FARS2: variants seen among roughly 807,000 people sequenced by gnomAD.
The protein encoded by FARS2 is phenylalanine--tRNA ligase, mitochondrial.
Under a neutral mutation model 46.4 loss-of-function variants are expected in FARS2, and 40 were observed. That is an observed-to-expected ratio of 0.86 (90% CI 0.67 to 1.12). The LOEUF is 1.12. Among genes scored for constraint, FARS2 ranks in the 50% most tolerant of loss-of-function variants. The pLI is 0.00. For synonymous variants in FARS2, 234 were observed against 214.9 expected (o/e 1.09, Z -0.78); for missense variants, 513 against 567.9 (o/e 0.90, Z 0.98).
intron 1 of FARS2, among the ~76,000 whole-genome samples, chr6:5,303,787 A>G (rs1717719954): frequency 1.3e-5 from 2 of 152,100 alleles, no homozygotes; most frequent in Non-Finnish European, 2.9e-5. Context: ...TTTTAAATGG[A>G]TAACTAAGCT....
intron 2 of FARS2, among the ~76,000 whole-genome samples, chr6:5,384,982 C>G (rs1439164054): frequency 1.3e-5 from 2 of 152,096 alleles, no homozygotes; most frequent in Non-Finnish European, 2.9e-5. Context: ...CATTTCTTCC[C>G]CTGTGCTCAT....
At chr6:5,683,476 G>A (rs1779133564) in intron 6 of FARS2, among the ~76,000 whole-genome samples, 1 of 152,126 alleles carries the variant, frequency 6.6e-6, no homozygotes, top group South Asian at 2.1e-4. Flanking sequence ...AGAATTCCCT[G>A]GCTGTCTCTT....
At chr6:5,673,041 T>A (rs1778560526) in intron 6 of FARS2, among the ~76,000 whole-genome samples, 1 of 152,104 alleles carries the variant, frequency 6.6e-6, no homozygotes, top group South Asian at 2.1e-4. Flanking sequence ...GCCTTTGCAG[T>A]TTAGCATCAA....
intron 4 of FARS2, among the ~76,000 whole-genome samples, chr6:5,523,217 G>A (rs950111689): frequency 1.1e-4 from 16 of 152,188 alleles, no homozygotes; most frequent in Middle Eastern, 3.4e-3. Context: ...CAAAGCTTCC[G>A]TCTTCCGTCT....
At chr6:5,431,011 T>A (rs746533036) in intron 3 of FARS2, 30 bp from the exon 4 acceptor site, 20 of 1,609,258 alleles carry the variant, frequency 1.2e-5, no homozygotes, top group Non-Finnish European at 1.4e-5. Context: ...TATTTAACAC[T>A]ACTTATTTGT....
At chr6:5,529,427 C>T (rs1198927178) in intron 4 of FARS2, among the ~76,000 whole-genome samples, 1 of 152,170 alleles carries the variant, frequency 6.6e-6, no homozygotes, top group African/African-American at 2.4e-5. Context: ...CCTACCTCAG[C>T]CTCCCGAGTA....
At chr6:5,662,860 A>G (rs1777913464) in intron 6 of FARS2, among the ~76,000 whole-genome samples, 1 of 152,212 alleles carries the variant, frequency 6.6e-6, no homozygotes, top group Non-Finnish European at 1.5e-5. Context: ...TTACTTCACT[A>G]TAAAGCAGAC....
At chr6:5,592,655 A>G (rs1350505961) in intron 5 of FARS2, among the ~76,000 whole-genome samples, 1 of 152,190 alleles carries the variant, frequency 6.6e-6, no homozygotes, top group Non-Finnish European at 1.5e-5. Context: ...GACATATGCT[A>G]GGCACCTGGA....
chr6:5,276,691 CTG>C (rs1457149804), intron 1 of FARS2, among the ~76,000 whole-genome samples: 1 of 152,166 alleles, frequency 6.6e-6, no homozygotes, highest in Non-Finnish European at 1.5e-5. Context: ...GGTCCCCAAA[CTG>C]ATGTGGTTCC....
intron 1 of FARS2, among the ~76,000 whole-genome samples, chr6:5,351,380 A>T (rs1044954411): frequency 2.0e-5 from 3 of 152,230 alleles, no homozygotes; most frequent in Admixed American, 6.5e-5. Flanking sequence ...CTTTGTTTAT[A>T]GATTGCAGGA....
chr6:5,758,002 T>C (rs187120045), intron 6 of FARS2, among the ~76,000 whole-genome samples: 1 of 152,358 alleles, frequency 6.6e-6, no homozygotes, highest in East Asian at 1.9e-4. Flanking sequence ...ATCAGTTTGT[T>C]ATGTTAGCTC....
At chr6:5,294,470 G>A (rs1767717703) in intron 1 of FARS2, among the ~76,000 whole-genome samples, 2 of 152,150 alleles carry the variant, frequency 1.3e-5, no homozygotes, top group Admixed American at 1.3e-4. Flanking sequence ...GCAGGCACCG[G>A]TTGGATGTCC....
chr6:5,512,484 TG>T (rs1034768784), intron 4 of FARS2, among the ~76,000 whole-genome samples: 1 of 152,164 alleles, frequency 6.6e-6, no homozygotes, highest in African/African-American at 2.4e-5. Context: ...CAAAGGCTTT[TG>T]GGTGTCTTTA....
rs982598291 is a variant in FARS2, at chr6:5,607,981, G to A, written c.1066-5188G>A. Among the ~76,000 whole-genome samples the A allele has an allele frequency of 7.3e-5, 5 of 68,730 alleles. No individual in the cohort carries two copies. The Admixed American group carries it at 8.5e-4, about 12-fold the overall frequency. The allele number at this position is 68,730 out of a possible 152,430, so 45.1% of individuals were successfully genotyped here. ...ATATTGCTACTTTTTACTTGGGCAT[G>A]TATTTTTTTTTTTTTTTTAGTTTCC... On this transcript the variant is annotated intron_variant, in intron 5 of 6. Transcript: ENST00000274680.
chr6:5,656,562 T>TTTA (rs1777615873), intron 6 of FARS2, among the ~76,000 whole-genome samples: 1 of 151,818 alleles, frequency 6.6e-6, no homozygotes, highest in Non-Finnish European at 1.5e-5. Flanking sequence ...TCTTTGTTTT[T>TTTA]TTTTTGGAGA....
At chr6:5,328,138 GT>G (rs970036704) in intron 1 of FARS2, among the ~76,000 whole-genome samples, 89 of 152,190 alleles carry the variant, frequency 5.8e-4, no homozygotes, top group African/African-American at 2.0e-3. Flanking sequence ...TATACCTTTT[GT>G]TTTTGTTGCT....
chr6:5,415,353 C>T (rs1390259768), intron 3 of FARS2, among the ~76,000 whole-genome samples: 15 of 119,892 alleles, frequency 1.3e-4, no homozygotes, highest in Admixed American at 1.1e-3. Context: ...CTTGCTCTGT[C>T]GCCAAGGCTG....
At chr6:5,621,858 C>G (rs964236478) in intron 6 of FARS2, among the ~76,000 whole-genome samples, 3 of 152,230 alleles carry the variant, frequency 2.0e-5, no homozygotes, top group Admixed American at 6.5e-5. Context: ...GCCAGAGACC[C>G]TCAGCCTCTG....
At chr6:5,561,463 A>G (rs4960101) in intron 5 of FARS2, among the ~76,000 whole-genome samples, 40,044 of 151,962 alleles carry the variant, frequency 0.26, 6,199 homozygotes, top group East Asian at 0.52. Flanking sequence ...CTGGAAAGGT[A>G]GTCATTCTCC....
Sources: gnomAD v4.1 joint callset for allele counts (sites outside exome capture counted in the v4.1 genomes callset) on GRCh38, gnomAD v4.1.1 for gene constraint, MANE v1.5 for transcripts, NCBI Gene and HGNC (gene_info 2026-07-23, HGNC 2026-07-21) for gene names.